Variants in GPC5 observed in about 807,000 individuals in gnomAD.
The protein encoded by GPC5 is glypican 5.
Under a neutral mutation model 53.9 loss-of-function variants are expected in GPC5, and 47 were observed. The ratio of observed to expected loss-of-function variants is 0.87; its 90% confidence interval spans 0.69 to 1.11. The LOEUF (loss-of-function observed/expected upper bound fraction) is 1.11. GPC5 is among the 50% of genes most tolerant of loss of function. GPC5 has a pLI of 0.00. For synonymous variants in GPC5, 286 were observed against 263.3 expected, an observed-to-expected ratio of 1.09 and a Z score of -0.84; for missense variants, 748 against 713.1, an observed-to-expected ratio of 1.05 and a Z score of -0.56.
In GPC5 at chr13:91,438,600, CG is replaced by C. The variant is rs552684204; in HGVS notation, c.164-10156del. 6.8e-4 allele frequency among the ~76,000 whole-genome samples: 104 copies of C among 152,262 alleles called. No homozygotes were observed. The Middle Eastern group carries it at 0.024, about 35-fold the overall frequency. On this transcript the variant is annotated intron_variant, in intron 1 of 7. Transcript: ENST00000377067. ...GGTGGTGCCTCCCAGTTAGGCTACT[CG>C]GGGGTCAGGTACCCACTTGAGGAGG...
intron 2 of GPC5, among the ~76,000 whole-genome samples, chr13:91,564,913 G>T: frequency 6.6e-6 from 1 of 150,676 alleles, no homozygotes; most frequent in East Asian, 1.9e-4. Context: ...ATAATTCAAG[G>T]TCATAAACTA....
At chr13:92,387,698 C>G (rs1167021302) in intron 7 of GPC5, among the ~76,000 whole-genome samples, 1 of 152,128 alleles carries the variant, frequency 6.6e-6, no homozygotes, top group African/African-American at 2.4e-5. Context: ...AAGCAAGTGG[C>G]ACTGGAATCA....
At chr13:91,513,992 T>C (rs998527923) in intron 2 of GPC5, among the ~76,000 whole-genome samples, 1 of 152,244 alleles carries the variant, frequency 6.6e-6, no homozygotes, top group Non-Finnish European at 1.5e-5. Context: ...TCCTTTTTAT[T>C]GCTGAGTAGC....
At chr13:91,466,872 G>A (rs1345575715) in intron 2 of GPC5, among the ~76,000 whole-genome samples, 1 of 152,002 alleles carries the variant, frequency 6.6e-6, no homozygotes, top group East Asian at 1.9e-4. Flanking sequence ...AAGACTGTGG[G>A]TATACTACTA....
intron 7 of GPC5, among the ~76,000 whole-genome samples, chr13:92,596,900 T>C (rs146667775): frequency 1.3e-5 from 2 of 152,296 alleles, no homozygotes; most frequent in African/African-American, 4.8e-5. Context: ...TAAAGAGTCC[T>C]CAGAAAGCAC....
At chr13:92,383,827 A>T (rs1243390966) in intron 7 of GPC5, among the ~76,000 whole-genome samples, 1 of 152,182 alleles carries the variant, frequency 6.6e-6, no homozygotes, top group Non-Finnish European at 1.5e-5. Flanking sequence ...AAAATCTCAG[A>T]TTACAAAGCA....
chr13:92,023,246 A>G (rs993863677), intron 6 of GPC5, among the ~76,000 whole-genome samples: 1 of 152,052 alleles, frequency 6.6e-6, no homozygotes, highest in African/African-American at 2.4e-5. Flanking sequence ...ATATTGTCTC[A>G]AATCAAATTA....
chr13:92,272,478 G>T (rs1463816138), intron 7 of GPC5, among the ~76,000 whole-genome samples: 2 of 152,186 alleles, frequency 1.3e-5, no homozygotes, highest in African/African-American at 4.8e-5. Context: ...GGAAGATAGT[G>T]ATTCTGCCAT....
chr13:91,615,690 G>A (rs542244926), intron 2 of GPC5, among the ~76,000 whole-genome samples: 2 of 152,152 alleles, frequency 1.3e-5, no homozygotes, highest in Non-Finnish European at 2.9e-5. Context: ...AGTGATTCCT[G>A]AAGACCTCTG....
At chr13:91,645,406 A>G (rs769342809) in intron 2 of GPC5, among the ~76,000 whole-genome samples, 1 of 152,042 alleles carries the variant, frequency 6.6e-6, no homozygotes, top group African/African-American at 2.4e-5. Flanking sequence ...TCATTGTTTT[A>G]TACCCTAACT....
intron 2 of GPC5, among the ~76,000 whole-genome samples, chr13:91,509,521 T>C (rs1885125678): frequency 6.6e-6 from 1 of 151,664 alleles, no homozygotes; most frequent in South Asian, 2.1e-4. Context: ...GAAAAGTTGA[T>C]GTGATTAATA....
intron 7 of GPC5, among the ~76,000 whole-genome samples, chr13:92,707,231 C>T (rs975990426): frequency 6.6e-6 from 1 of 152,192 alleles, no homozygotes; most frequent in Non-Finnish European, 1.5e-5. Context: ...ATTCAGTCTC[C>T]TTATTCTACT....
intron 2 of GPC5, among the ~76,000 whole-genome samples, chr13:91,617,508 A>G (rs1010988838): frequency 6.6e-6 from 1 of 152,092 alleles, no homozygotes; most frequent in Non-Finnish European, 1.5e-5. Flanking sequence ...GAGGTCAATA[A>G]ATAGTAGTAA....
intron 7 of GPC5, among the ~76,000 whole-genome samples, chr13:92,424,802 A>G (rs1429903807): frequency 7.2e-6 from 1 of 139,268 alleles, no homozygotes; most frequent in Non-Finnish European, 1.5e-5. Flanking sequence ...ACACAAATCA[A>G]TATTCATCTA....
chr13:91,976,122 G>A lies in GPC5; in HGVS notation c.1401+68065G>A, dbSNP rs1594700304. ...AACATCACGCTCTGGGGACTGTTAT[G>A]GGGTTGGGGGAGGGGGAAGGGATAG... On this transcript the variant is annotated intron_variant, in intron 6 of 7. Coordinates refer to ENST00000377067, the MANE Select transcript of GPC5 (RefSeq NM_004466.6). 1.3e-5 allele frequency among the ~76,000 whole-genome samples: 2 copies of A among 152,242 alleles called. 1 individual carries two copies. The highest frequency in any genetic ancestry group is 6.8e-3 in the Middle Eastern group (2 of 294).
intron 6 of GPC5, among the ~76,000 whole-genome samples, chr13:92,135,976 A>G (rs1019189055): frequency 6.6e-6 from 1 of 152,212 alleles, no homozygotes; most frequent in Non-Finnish European, 1.5e-5. Context: ...TACATTTGAA[A>G]GAGACAGTAG....
chr13:92,183,993 GAAGT>G (rs1287073605), intron 7 of GPC5, among the ~76,000 whole-genome samples: 2 of 151,826 alleles, frequency 1.3e-5, no homozygotes, highest in Admixed American at 1.3e-4. Flanking sequence ...AAAAGTTATT[GAAGT>G]GTCATCTTAA....
intron 7 of GPC5, among the ~76,000 whole-genome samples, chr13:92,391,801 G>C: frequency 6.6e-6 from 1 of 152,006 alleles, no homozygotes; most frequent in East Asian, 1.9e-4. Context: ...GGAACACATA[G>C]AATCCCAGGC....
At chr13:92,162,482 G>T (rs73620898) in intron 7 of GPC5, among the ~76,000 whole-genome samples, 1,827 of 152,270 alleles carry the variant, frequency 0.012, 54 homozygotes, top group African/African-American at 0.041. Flanking sequence ...CAGTCTTAGG[G>T]ATAACATGAA....
Sources: gnomAD v4.1 joint callset for allele counts (sites outside exome capture counted in the v4.1 genomes callset) on GRCh38, gnomAD v4.1.1 for gene constraint, MANE v1.5 for transcripts, NCBI Gene and HGNC (gene_info 2026-07-23, HGNC 2026-07-21) for gene names.